MAP7: variants seen among roughly 807,000 people sequenced by gnomAD.
The protein encoded by MAP7 is microtubule associated protein 7.
MAP7 carries 52 observed loss-of-function variants against 94.8 expected under a neutral mutation model. The observed-to-expected ratio is 0.55, with a 90% confidence interval of 0.44 to 0.69. MAP7 has a LOEUF of 0.69. Among genes scored for constraint, MAP7 ranks in the 30% least tolerant of loss-of-function variants. The probability of loss-of-function intolerance (pLI) is 0.00; values close to 1 mark genes in which losing one functional copy is unlikely to be tolerated. For synonymous variants in MAP7, 350 were observed against 357.0 expected (o/e 0.98, Z 0.22); for missense variants, 940 against 964.6 (o/e 0.97, Z 0.34).
chr6:136,461,258 A>T (rs1805107534), intron 1 of MAP7, among the ~76,000 whole-genome samples: 1 of 152,214 alleles, frequency 6.6e-6, no homozygotes, highest in African/African-American at 2.4e-5. Context: ...TTTGAATCCA[A>T]ACAAAAATCC....
chr6:136,461,540 C>T (rs911963901), intron 1 of MAP7, among the ~76,000 whole-genome samples: 1 of 152,094 alleles, frequency 6.6e-6, no homozygotes, highest in Non-Finnish European at 1.5e-5. Context: ...TTCCTTGGTC[C>T]TTCATCGCAT....
At chr6:136,461,416 T>C (rs1805164901) in intron 1 of MAP7, among the ~76,000 whole-genome samples, 1 of 152,202 alleles carries the variant, frequency 6.6e-6, no homozygotes, top group South Asian at 2.1e-4. Flanking sequence ...AAACATTATA[T>C]AAAAATGTTG....
At chr6:136,415,993 G>C (rs1252708578) in intron 2 of MAP7, among the ~76,000 whole-genome samples, 1 of 152,190 alleles carries the variant, frequency 6.6e-6, no homozygotes, top group East Asian at 1.9e-4. Context: ...ATTTAGTGTA[G>C]GTTGTTTCTA....
chr6:136,402,093 CT>C (rs1423353552), intron 3 of MAP7, among the ~76,000 whole-genome samples: 1 of 152,210 alleles, frequency 6.6e-6, no homozygotes, highest in African/African-American at 2.4e-5. Flanking sequence ...CTCCTTCCCC[CT>C]GGCAAACTTC....
intron 8 of MAP7, among the ~76,000 whole-genome samples, chr6:136,367,277 C>G (rs1307521002): frequency 6.6e-6 from 1 of 152,088 alleles, no homozygotes; most frequent in Non-Finnish European, 1.5e-5. Flanking sequence ...CAGACCCATT[C>G]CAAGTATCTG....
intron 1 of MAP7, among the ~76,000 whole-genome samples, chr6:136,483,442 T>C (rs1382363476): frequency 6.6e-6 from 1 of 152,062 alleles, no homozygotes; most frequent in Non-Finnish European, 1.5e-5. Flanking sequence ...CAATAATCTA[T>C]ATACCAAACC....
intron 1 of MAP7, among the ~76,000 whole-genome samples, chr6:136,523,665 T>C (rs1827044468): frequency 1.3e-5 from 2 of 152,250 alleles, no homozygotes; most frequent in African/African-American, 4.8e-5. Context: ...CACAGAAAGT[T>C]TGGACATCCT....
intron 2 of MAP7, among the ~76,000 whole-genome samples, chr6:136,412,066 T>C (rs934352460): frequency 6.6e-6 from 1 of 152,252 alleles, no homozygotes; most frequent in Non-Finnish European, 1.5e-5. Flanking sequence ...AGCTTTATAC[T>C]GCACAAATGT....
At position 136,389,346 on chromosome 6, in the gene MAP7, C is replaced by T. The variant is rs370561567; in HGVS notation, c.408+8G>A. The T allele has an allele frequency of 2.5e-4, 386 of 1,519,202 alleles. No homozygotes were observed. Among genetic ancestry groups the T allele is most frequent in the Non-Finnish European group, 3.2e-4 (362 of 1,139,116 alleles). The allele number at this position is 1,519,202 out of a possible 1,614,324, so 94.1% of individuals were successfully genotyped here. The stretch of plus-strand genomic sequence containing the variant: ...AGCCACTCATATTCTTCCCGGGGGG[C>T]GGCTCACTTTGTCCTCCTCAAGTCT... On this transcript the variant is annotated splice_region_variant and intron_variant, in intron 4 of 17. Coordinates refer to ENST00000354570, the MANE Select transcript of MAP7 (RefSeq NM_003980.6).
rs183214214 is a variant in MAP7 at position 136,544,826 on chromosome 6, G to T, written c.67+5516C>A. 2.8e-3 allele frequency among the ~76,000 whole-genome samples: 426 copies of T among 152,222 alleles called. 6 individuals are homozygous for T. Among genetic ancestry groups the T allele is most frequent in the Non-Finnish European group, 2.0e-3 (139 of 68,024 alleles). On this transcript the variant is annotated intron_variant, in intron 1 of 17. Transcript: ENST00000354570. The stretch of plus-strand genomic sequence containing the variant: ...AAAACCTGATTCTGCTGGACACAGT[G>T]GTGCATGCCTGTAGTCCCAGCTACT...
Position 136,365,834 on chromosome 6 carries a change from C to G in MAP7, c.1174G>C (p.Val392Leu). ...CCCTTTAGTGAGGGCTCATTGGCAA[C>G]TTTCTGAGGTTCCTTCTCAGGATCT... ...KKDPEKEPQK[V>L]ANEPSLKGRA... is the part of the protein sequence containing the mutation. The change falls in exon 10 of 18, where the codon GTT becomes CTT. Residue 392 changes from valine (V) to leucine (L), a missense_variant. Val to Leu is a conservative substitution (Grantham distance 32). Transcript: ENST00000354570. 6.2e-7 allele frequency: 1 copy of G among 1,614,138 alleles called. No homozygotes were observed. Among genetic ancestry groups the G allele is most frequent in the Non-Finnish European group, 8.5e-7 (1 of 1,180,036 alleles).
Position 136,388,505 on chromosome 6 carries a change from G to C in MAP7, c.414C>G (p.Arg138=), listed in dbSNP as rs1406369758. The part of the protein sequence containing the change: ...RRQRLEEDKE[R]HEAVVRRTME... The stretch of plus-strand genomic sequence containing the variant: ...TTGTGCGCCGTACAACAGCTTCGTG[G>C]CGTTCCTTAGATGGAATAGAAGAGC... Residue 138 remains arginine (R), a synonymous_variant, in exon 5 of 18, where the codon CGC becomes CGG. Transcript: ENST00000354570. 1 of 1,613,510 alleles carries C rather than the reference G, an allele frequency of 6.2e-7. No homozygotes were observed. Among genetic ancestry groups the C allele is most frequent in the Non-Finnish European group, 8.5e-7 (1 of 1,179,496 alleles).
At chr6:136,470,519 C>T (rs1002000539) in intron 1 of MAP7, among the ~76,000 whole-genome samples, 4 of 151,906 alleles carry the variant, frequency 2.6e-5, no homozygotes, top group East Asian at 1.9e-4. Context: ...TCAAAGTATA[C>T]GATATAGCAT....
At chr6:136,504,307 G>A (rs147601188) in intron 1 of MAP7, among the ~76,000 whole-genome samples, 655 of 152,146 alleles carry the variant, frequency 4.3e-3, no homozygotes, top group Non-Finnish European at 6.8e-3. Flanking sequence ...GACGAAATTA[G>A]CCATAATAAT....
At chr6:136,406,564 T>G (rs1201724359) in intron 3 of MAP7, among the ~76,000 whole-genome samples, 1 of 152,184 alleles carries the variant, frequency 6.6e-6, no homozygotes, top group African/African-American at 2.4e-5. Flanking sequence ...CTCACGTCTG[T>G]AACCCCAGGA....
At chr6:136,409,901 A>G (rs1333033007) in intron 3 of MAP7, among the ~76,000 whole-genome samples, 2 of 152,224 alleles carry the variant, frequency 1.3e-5, no homozygotes, top group Admixed American at 6.5e-5. Context: ...TGTGTTATCA[A>G]TATGAATTGA....
chr6:136,547,116 T>G (rs1829798046), intron 1 of MAP7, among the ~76,000 whole-genome samples: 1 of 152,160 alleles, frequency 6.6e-6, no homozygotes, highest in Admixed American at 6.5e-5. Flanking sequence ...ATGTGGACCC[T>G]TAGAGTTAAG....
rs1828473358 is a variant in MAP7, at chr6:136,531,523, G to A, written c.67+18819C>T. ...GAGGATACAGAGCCAAAGGCATAAT[G>A]TTTTCACCAAACAGAGGCAGTGGGG... On this transcript the variant is annotated intron_variant, in intron 1 of 17. Transcript: ENST00000354570. Among the ~76,000 whole-genome samples, 2 of 144,454 alleles carry A rather than the reference G, an allele frequency of 1.4e-5. 1 individual carries two copies. The highest frequency in any genetic ancestry group is 1.3e-4 in the Admixed American group (2 of 14,820). 94.8% of individuals were successfully genotyped at this position (144,454 alleles called of 152,430 possible).
chr6:136,521,831 T>C (rs141511816), intron 1 of MAP7, among the ~76,000 whole-genome samples: 43 of 152,326 alleles, frequency 2.8e-4, no homozygotes, highest in Non-Finnish European at 6.2e-4. Context: ...CTGTTTCAGA[T>C]TAAAATCTTG....
Sources: allele counts gnomAD v4.1 joint callset (sites outside exome capture counted in the v4.1 genomes callset), GRCh38; gene constraint gnomAD v4.1.1; transcripts MANE v1.5; gene names NCBI Gene and HGNC (gene_info 2026-07-23, HGNC 2026-07-21).